Variants in IQSEC1 observed in about 807,000 individuals in gnomAD.
IQSEC1 encodes the protein IQ motif and SEC7 domain-containing protein 1.
IQSEC1 carries 31 observed loss-of-function variants against 91.0 expected under a neutral mutation model. The ratio of observed to expected loss-of-function variants is 0.34; its 90% CI spans 0.26 to 0.46. The LOEUF (loss-of-function observed/expected upper bound fraction) is 0.46. Ranked by LOEUF, IQSEC1 falls within the 20% of genes least tolerant of loss-of-function variation. The pLI, the probability that IQSEC1 is intolerant of heterozygous loss-of-function variation, is 1.00. For missense variants in IQSEC1, 1,388 were observed against 1,575.6 expected (o/e 0.88, Z 2.02); for synonymous variants, 699 against 662.6 (o/e 1.05, Z -0.84).
rs139721688 is a variant in IQSEC1, at chr3:13,124,326, C to T, written c.302+39778G>A. 1.8e-3 allele frequency among the ~76,000 whole-genome samples: 270 copies of T among 152,296 alleles called. 5 individuals carry two copies. The East Asian group carries it at 0.029, about 16-fold the overall frequency. Reference sequence around the variant, plus strand: ...ACCGAGCTCACCAACATTGCTTATGCCTCCAAAGTAGAGAATTCGAGGACT... The same window carrying T: ...ACCGAGCTCACCAACATTGCTTATGTCTCCAAAGTAGAGAATTCGAGGACT... On this transcript the variant is annotated intron_variant, in intron 2 of 15. Coordinates refer to the IQSEC1 transcript ENST00000648114.
At chr3:13,263,645 G>A (rs1695433308) in intron 1 of IQSEC1, among the ~76,000 whole-genome samples, 1 of 152,170 alleles carries the variant, frequency 6.6e-6, no homozygotes, top group African/African-American at 2.4e-5. Flanking sequence ...GATTTCACAT[G>A]TTGGCCAGGC....
At chr3:13,226,292 G>C (rs1175302507) in intron 1 of IQSEC1, among the ~76,000 whole-genome samples, 2 of 152,132 alleles carry the variant, frequency 1.3e-5, no homozygotes, top group African/African-American at 4.8e-5. Flanking sequence ...GTACTTGCCT[G>C]GCCCTGTGTT....
intron 1 of IQSEC1, among the ~76,000 whole-genome samples, chr3:13,203,164 T>TACACACACACACACACACAC (rs10533324): frequency 6.8e-6 from 1 of 148,120 alleles, no homozygotes. Context: ...TTACCACTAC[T>TACACACACACACACACACAC]ACACACACAC....
At chr3:13,280,344 T>C (rs557705512) in intron 1 of IQSEC1, among the ~76,000 whole-genome samples, 11 of 152,314 alleles carry the variant, frequency 7.2e-5, no homozygotes, top group African/African-American at 1.9e-4. Flanking sequence ...GGTTATCCCA[T>C]GTTCCTTAGG....
At chr3:13,044,697 A>C (rs984253601) in intron 1 of IQSEC1, among the ~76,000 whole-genome samples, 10 of 148,390 alleles carry the variant, frequency 6.7e-5, no homozygotes, top group African/African-American at 2.5e-5. Flanking sequence ...CCGCCCCCCC[A>C]CACTCCTGGA....
chr3:13,268,734 C>T (rs919600685), intron 1 of IQSEC1, among the ~76,000 whole-genome samples: 1 of 152,332 alleles, frequency 6.6e-6, no homozygotes, highest in Admixed American at 6.5e-5. Context: ...GTGCATTCCA[C>T]TCTGGAGACC....
intron 2 of IQSEC1, among the ~76,000 whole-genome samples, chr3:13,136,846 T>A (rs1411295997): frequency 1.3e-5 from 2 of 152,040 alleles, no homozygotes; most frequent in Non-Finnish European, 2.9e-5. Context: ...ACTTTAAAAA[T>A]CATTCTGGGG....
intron 1 of IQSEC1, among the ~76,000 whole-genome samples, chr3:13,195,450 G>A (rs1025881489): frequency 6.6e-6 from 1 of 152,178 alleles, no homozygotes. Flanking sequence ...AACTAAACAT[G>A]CAATTACCAT....
intron 1 of IQSEC1, among the ~76,000 whole-genome samples, chr3:13,274,806 G>A (rs919864621): frequency 7.2e-5 from 11 of 152,224 alleles, no homozygotes; most frequent in Non-Finnish European, 1.5e-5. Flanking sequence ...TGCCAGCTGG[G>A]TGCAACCACT....
At chr3:12,911,106 C>T (rs758160474) in intron 10 of IQSEC1, among the ~76,000 whole-genome samples, 15 of 152,198 alleles carry the variant, frequency 9.9e-5, no homozygotes, top group Non-Finnish European at 1.8e-4. Context: ...CACTGTGTTC[C>T]GGCAGCTATG....
intron 6 of IQSEC1, among the ~76,000 whole-genome samples, chr3:12,916,386 C>T (rs549972050): frequency 6.6e-6 from 1 of 152,336 alleles, no homozygotes; most frequent in African/African-American, 2.4e-5. Context: ...CGGGGCTGCC[C>T]TAACCACAAG....
At position 13,010,178 on chromosome 3, in the gene IQSEC1, G is replaced by A. The variant is rs146536218; in HGVS notation, c.23+62814C>T. 1.1e-4 allele frequency among the ~76,000 whole-genome samples: 17 copies of A among 152,308 alleles called. No individual in the cohort carries two copies. In the East Asian group the frequency reaches 2.7e-3, roughly 24 times the overall value. ...GCAGGTCTTAGCAGGTCATAGTGGCGGAATGACCAGCCCACAAGTCTTAGC... is the reference window on the plus strand; with the variant it reads ...GCAGGTCTTAGCAGGTCATAGTGGCAGAATGACCAGCCCACAAGTCTTAGC... On this transcript the variant is annotated intron_variant, in intron 1 of 13. Transcript: ENST00000613206.
chr3:13,242,939 T>TG (rs1366720245), intron 1 of IQSEC1, among the ~76,000 whole-genome samples: 1 of 151,682 alleles, frequency 6.6e-6, no homozygotes, highest in Non-Finnish European at 1.5e-5. Context: ...TCCACACATG[T>TG]GGGGGGCCCT....
chr3:13,281,228 G>A (rs1695783514), intron 1 of IQSEC1, among the ~76,000 whole-genome samples: 1 of 152,170 alleles, frequency 6.6e-6, no homozygotes, highest in African/African-American at 2.4e-5. Flanking sequence ...GTGGGAGAAA[G>A]GGCCCGGGCC....
At position 13,140,922 on chromosome 3, in the gene IQSEC1, G is replaced by A. The variant is rs574902527; in HGVS notation, c.302+23182C>T. 1.6e-4 allele frequency among the ~76,000 whole-genome samples: 25 copies of A among 152,328 alleles called. 1 individual carries two copies. In the South Asian group the frequency reaches 3.1e-3, roughly 19 times the overall value. ...TGCCAGCGCTGGTGTCATAGTGTGC[G>A]CCTGTGCCCCTCTCACTTGTCACCA... On this transcript the variant is annotated intron_variant, in intron 2 of 15. Transcript: ENST00000648114.
At position 12,908,191 on chromosome 3, in the gene IQSEC1, T is replaced by C. The variant is rs2304268; in HGVS notation, c.2755+158A>G. Among the ~76,000 whole-genome samples, 495 of 152,354 alleles carry C rather than the reference T, an allele frequency of 3.2e-3. 17 individuals are homozygous for C. In the East Asian group the frequency reaches 0.079, roughly 24 times the overall value. On this transcript the variant is annotated intron_variant, in intron 12 of 13. Coordinates refer to ENST00000613206, the MANE Select transcript of IQSEC1 (RefSeq NM_001134382.3). The surrounding 1 kb of genome is among the most constrained non-coding windows in gnomAD (Gnocchi z 4.9). Reference sequence around the variant, plus strand: ...GTGTCTTTTTGGGGCGCCCTTTCTGTATGTCACACGCTGCTCTGCTTTGCG... The same window carrying C: ...GTGTCTTTTTGGGGCGCCCTTTCTGCATGTCACACGCTGCTCTGCTTTGCG...
At chr3:12,932,438 A>G (rs1042381592) in intron 3 of IQSEC1, among the ~76,000 whole-genome samples, 1 of 152,216 alleles carries the variant, frequency 6.6e-6, no homozygotes, top group Admixed American at 6.5e-5. Context: ...CAACTATGTG[A>G]GACTCAGCTC....
intron 1 of IQSEC1, among the ~76,000 whole-genome samples, chr3:13,241,762 G>T (rs1429411658): frequency 6.6e-6 from 1 of 152,272 alleles, no homozygotes; most frequent in Non-Finnish European, 1.5e-5. Context: ...ATCCCAGAGG[G>T]GGATAGCCCC....
intron 2 of IQSEC1, among the ~76,000 whole-genome samples, chr3:13,096,437 G>A (rs1470396523): frequency 6.6e-6 from 1 of 152,200 alleles, no homozygotes. Flanking sequence ...GGGCCGTGTA[G>A]GGCACACGCC....
Sources: allele counts gnomAD v4.1 joint callset (sites outside exome capture counted in the v4.1 genomes callset), GRCh38; gene constraint gnomAD v4.1.1; non-coding constraint Gnocchi (gnomAD v3.1); transcripts MANE v1.5; gene names NCBI Gene and HGNC (gene_info 2026-07-23, HGNC 2026-07-21).